TBC1D5: variants seen among roughly 807,000 people sequenced by gnomAD.
The protein encoded by TBC1D5 is TBC1 domain family member 5, also known as TBC1 domain family, member 5.
Under a neutral mutation model 100.3 loss-of-function variants are expected in TBC1D5, and 75 were observed. The ratio of observed to expected loss-of-function variants is 0.75; its 90% confidence interval spans 0.62 to 0.91. The LOEUF (loss-of-function observed/expected upper bound fraction) is 0.91. TBC1D5 is among the 40% of genes least tolerant of loss of function. The pLI, the probability that TBC1D5 is intolerant of heterozygous loss-of-function variation, is 0.00. For synonymous variants in TBC1D5, 323 were observed against 325.6 expected (o/e 0.99, Z 0.09); for missense variants, 910 against 942.4 (o/e 0.97, Z 0.45).
intron 4 of TBC1D5, among the ~76,000 whole-genome samples, chr3:17,408,246 A>C (rs1439829735): frequency 6.6e-6 from 1 of 151,148 alleles, no homozygotes; most frequent in Non-Finnish European, 1.5e-5. Flanking sequence ...AAAATACATG[A>C]AAAGCCCTCA....
intron 19 of TBC1D5, among the ~76,000 whole-genome samples, chr3:17,177,108 AT>A (rs869172661): frequency 1.3e-5 from 2 of 152,196 alleles, no homozygotes; most frequent in East Asian, 3.8e-4. Context: ...TTGGTATTAA[AT>A]TTTTTTAAAA....
chr3:17,408,676 TATTG>T (rs754547012), intron 4 of TBC1D5, among the ~76,000 whole-genome samples: 19 of 152,156 alleles, frequency 1.2e-4, no homozygotes, highest in Non-Finnish European at 2.6e-4. Flanking sequence ...TAGTGTGCCT[TATTG>T]ATTAAAGAGA....
chr3:17,216,396 T>C (rs2073638391), intron 17 of TBC1D5, among the ~76,000 whole-genome samples: 1 of 152,130 alleles, frequency 6.6e-6, no homozygotes, highest in Admixed American at 6.6e-5. Context: ...ATCTGTATCA[T>C]GGTCTGCCCC....
At chr3:17,729,754 A>G (rs1202339325) in intron 1 of TBC1D5, among the ~76,000 whole-genome samples, 1 of 152,144 alleles carries the variant, frequency 6.6e-6, no homozygotes, top group Non-Finnish European at 1.5e-5. Flanking sequence ...AATTACAGCA[A>G]TAAAGAACAT....
intron 2 of TBC1D5, among the ~76,000 whole-genome samples, chr3:17,549,367 A>G (rs1456180377): frequency 6.6e-6 from 1 of 152,174 alleles, no homozygotes; most frequent in African/African-American, 2.4e-5. Flanking sequence ...TATTTGTACT[A>G]TGGTGCAGAG....
Position 17,728,305 on chromosome 3 carries a change from G to A in TBC1D5, c.-101+11038C>T, listed in dbSNP as rs139554704. ...ATTAGATAAGCCAACAAAATAAAAA[G>A]GCGTAAATATTAGAAAGGAAGATGG... On this transcript the variant is annotated intron_variant, in intron 1 of 21. Coordinates refer to ENST00000253692, the Ensembl canonical transcript of TBC1D5. Among the ~76,000 whole-genome samples the A allele has an allele frequency of 6.6e-4, 101 of 152,184 alleles. 1 individual carries two copies. The East Asian group carries it at 0.018, about 28-fold the overall frequency.
chr3:17,736,270 A>G (rs2076957185), intron 1 of TBC1D5, among the ~76,000 whole-genome samples: 1 of 152,136 alleles, frequency 6.6e-6, no homozygotes, highest in African/African-American at 2.4e-5. Flanking sequence ...AAAAAATAAA[A>G]TTTAATAAAA....
chr3:17,186,710 CAAAAAAAAAAAAAA>C lies in TBC1D5; in HGVS notation c.1753-1516_1753-1503del, dbSNP rs58438478. On this transcript the variant is annotated intron_variant, in intron 18 of 21. Coordinates refer to ENST00000253692, the Ensembl canonical transcript of TBC1D5. ...GGGCGACAGAGCAAAACTCTATCTC[CAAAAAAAAAAAAAA>C]AAAAAAAAAAAAAAAAAAAATTAAA... Among the ~76,000 whole-genome samples, 32 of 27,284 alleles carry C rather than the reference CAAAAAAAAAAAAAA, an allele frequency of 1.2e-3. No homozygotes were observed. The Admixed American group carries it at 0.014, about 12-fold the overall frequency. 17.9% of individuals were successfully genotyped at this position (27,284 alleles called of 152,430 possible). A position where few individuals can be genotyped will look rare whatever the true frequency, so the allele number is the denominator to read the frequency against.
At chr3:17,388,473 C>T (rs1482386162) in intron 8 of TBC1D5, among the ~76,000 whole-genome samples, 1 of 151,978 alleles carries the variant, frequency 6.6e-6, no homozygotes, top group African/African-American at 2.4e-5. Flanking sequence ...TCCAATATTG[C>T]ATTATTTTGA....
chr3:17,706,855 A>G (rs2074234287), intron 1 of TBC1D5, among the ~76,000 whole-genome samples: 1 of 151,364 alleles, frequency 6.6e-6, no homozygotes, highest in African/African-American at 2.4e-5. Context: ...ATTTTAAGAA[A>G]GACCTTTTTT....
intron 3 of TBC1D5, among the ~76,000 whole-genome samples, chr3:17,464,461 A>C (rs1389589874): frequency 6.6e-6 from 1 of 152,172 alleles, no homozygotes; most frequent in African/African-American, 2.4e-5. Flanking sequence ...GAGAAATACT[A>C]TAACTATTTC....
At chr3:17,268,792 C>G (rs1246639729) in intron 15 of TBC1D5, among the ~76,000 whole-genome samples, 1 of 152,066 alleles carries the variant, frequency 6.6e-6, no homozygotes, top group East Asian at 1.9e-4. Context: ...CCCTTAAATT[C>G]CATCAAGAGA....
At chr3:17,395,984 A>G (rs1005056511) in intron 8 of TBC1D5, among the ~76,000 whole-genome samples, 1 of 152,146 alleles carries the variant, frequency 6.6e-6, no homozygotes, top group African/African-American at 2.4e-5. Flanking sequence ...CAAATGAGGA[A>G]GGACTACAGG....
intron 4 of TBC1D5, among the ~76,000 whole-genome samples, chr3:17,420,313 G>A (rs1390353097): frequency 2.6e-5 from 4 of 151,920 alleles, no homozygotes; most frequent in Non-Finnish European, 5.9e-5. Context: ...CTACAACTTT[G>A]TGCCAAAAGA....
chr3:17,633,556 T>A (rs1211406613), intron 1 of TBC1D5, among the ~76,000 whole-genome samples: 3 of 152,142 alleles, frequency 2.0e-5, no homozygotes, highest in Admixed American at 6.5e-5. Flanking sequence ...AAAATAATAA[T>A]GCTGTTAATC....
At chr3:17,384,182 G>A (rs932400310) in intron 8 of TBC1D5, among the ~76,000 whole-genome samples, 167 bp from the exon 9 acceptor site, 1 of 151,950 alleles carries the variant, frequency 6.6e-6, no homozygotes, top group East Asian at 1.9e-4. Context: ...GTGAGGCAAG[G>A]GGAAATAATT....
intron 13 of TBC1D5, among the ~76,000 whole-genome samples, chr3:17,340,315 T>C (rs1422781399): frequency 6.6e-6 from 1 of 152,196 alleles, no homozygotes; most frequent in African/African-American, 2.4e-5. Context: ...AAGTGGTCTA[T>C]GTTCCTGAGG....
intron 6 of TBC1D5, 35 bp downstream of exon 6, chr3:17,404,837 A>T (rs990691456): frequency 1.3e-6 from 2 of 1,562,038 alleles, no homozygotes; most frequent in Admixed American, 3.8e-5. Flanking sequence ...TACATAAGAA[A>T]ACAATTACAT....
At chr3:17,342,873 C>T (rs1281985690) in intron 13 of TBC1D5, among the ~76,000 whole-genome samples, 1 of 152,130 alleles carries the variant, frequency 6.6e-6, no homozygotes. Flanking sequence ...ATACTTTTCC[C>T]TTATATGTAT....
Sources: allele counts gnomAD v4.1 joint callset (sites outside exome capture counted in the v4.1 genomes callset), GRCh38; gene constraint gnomAD v4.1.1; transcripts MANE v1.5; gene names NCBI Gene and HGNC (gene_info 2026-07-23, HGNC 2026-07-21).